The following AKR1E2 variants were observed in gnomAD, a reference collection of about 807,000 sequenced individuals.
AKR1E2 encodes the protein 1,5-anhydro-D-fructose reductase.
In AKR1E2, 43 loss-of-function variants were observed where a neutral mutation model predicts 41.9. The ratio of observed to expected loss-of-function variants is 1.03; its 90% CI spans 0.80 to 1.32. The LOEUF (loss-of-function observed/expected upper bound fraction) is 1.32, where lower values mean the gene tolerates loss of function less well. Ranked by LOEUF, AKR1E2 falls within the 40% of genes most tolerant of loss-of-function variation. AKR1E2 has a pLI of 0.00. For synonymous variants in AKR1E2, 121 were observed against 138.9 expected (o/e 0.87, Z 0.91); for missense variants, 423 against 396.5 (o/e 1.07, Z -0.57).
downstream of AKR1E2, among the ~76,000 whole-genome samples, chr10:4,851,650 G>A (rs1475505678): frequency 6.6e-6 from 1 of 152,124 alleles, no homozygotes; most frequent in African/African-American, 2.4e-5. Context: ...TATGTTACAG[G>A]TTTTAACTGA....
chr10:4,855,212 G>A, the AKR1E2 span, among the ~76,000 whole-genome samples: 1 of 152,140 alleles, frequency 6.6e-6, no homozygotes, highest in African/African-American at 2.4e-5. Context: ...TGAATGAATG[G>A]TAAAAATAAC....
At chr10:4,851,345 C>G (rs149016250), downstream of AKR1E2, among the ~76,000 whole-genome samples, 76 of 152,278 alleles carry the variant, frequency 5.0e-4, no homozygotes, top group African/African-American at 1.8e-3. Flanking sequence ...TTGTCACTCC[C>G]GGTTGGATTC....
intron 7 of AKR1E2, 40 bp downstream of exon 7, chr10:4,841,897 T>G: frequency 3.1e-6 from 5 of 1,587,658 alleles, no homozygotes; most frequent in Non-Finnish European, 4.3e-6. Context: ...TGGGGTTCTC[T>G]GACCGCTCTA....
chr10:4,858,718 G>A, the AKR1E2 span, among the ~76,000 whole-genome samples: 2 of 152,102 alleles, frequency 1.3e-5, no homozygotes, highest in Non-Finnish European at 2.9e-5. Context: ...GTAGCAATTC[G>A]TCGGCACAAC....
downstream of AKR1E2, among the ~76,000 whole-genome samples, chr10:4,848,508 G>T (rs1300663966): frequency 6.6e-6 from 1 of 152,190 alleles, no homozygotes; most frequent in East Asian, 1.9e-4. Context: ...GATCTCCAGG[G>T]ATATAACTTC....
At chr10:4,826,624 CTG>C (rs1172317600) in intron 1 of AKR1E2, among the ~76,000 whole-genome samples, 1 of 152,054 alleles carries the variant, frequency 6.6e-6, no homozygotes, top group African/African-American at 2.4e-5. Context: ...GCCTCAGACT[CTG>C]GGGCTGCGGC....
At chr10:4,863,886 A>G in the AKR1E2 span, among the ~76,000 whole-genome samples, 1 of 152,368 alleles carries the variant, frequency 6.6e-6, no homozygotes, top group East Asian at 1.9e-4. Flanking sequence ...TCCTCGACAC[A>G]TAAACCCTCC....
In AKR1E2 at chr10:4,837,560, G is replaced by C. The variant is rs778717100; in HGVS notation, c.561G>C (p.Arg187Ser). Residue 187 changes from arginine (R) to serine (S), a missense_variant, in exon 5 of 10, where the codon AGG (arginine) becomes AGC (serine). By Grantham distance (110) the Arg-to-Ser change is moderately radical. Coordinates refer to ENST00000298375, the MANE Select transcript of AKR1E2 (RefSeq NM_001040177.3). ...GGCTTTTGAATAAGCCTGGGTTGAGGTTCAAGCCACTAACCAACCAGGTAA... is the reference window on the plus strand; with the variant it reads ...GGCTTTTGAATAAGCCTGGGTTGAGCTTCAAGCCACTAACCAACCAGGTAA... Reference protein sequence around the residue: ...LERLLNKPGLRFKPLTNQIEC... With the variant: ...LERLLNKPGLSFKPLTNQIEC... The C allele has an allele frequency of 6.2e-7, 1 of 1,613,382 alleles. No homozygotes were observed. The highest frequency in any genetic ancestry group is 1.3e-5 in the African/African-American group (1 of 74,904).
intron 2 of AKR1E2, 56 bp downstream of exon 2, chr10:4,830,898 G>C (rs1165559522): frequency 3.1e-6 from 5 of 1,595,212 alleles, no homozygotes; most frequent in African/African-American, 1.3e-5. Context: ...ATCTCTGGAG[G>C]GCTTTCTACT....
the AKR1E2 span, among the ~76,000 whole-genome samples, chr10:4,865,852 T>C: frequency 6.6e-6 from 1 of 152,210 alleles, no homozygotes; most frequent in Non-Finnish European, 1.5e-5. Flanking sequence ...ATGCTCAAGT[T>C]AGAGAGTTAT....
At chr10:4,842,343 A>T in intron 7 of AKR1E2, 78 bp from the exon 8 acceptor site, 1 of 1,327,550 alleles carries the variant, frequency 7.5e-7, no homozygotes, top group Non-Finnish European at 1.1e-6. Context: ...CTGCATGATA[A>T]AACTCACATG....
At chr10:4,839,610 T>C in intron 5 of AKR1E2, 119 bp from the exon 6 acceptor site, 1 of 849,368 alleles carries the variant, frequency 1.2e-6, no homozygotes, top group East Asian at 2.6e-5. Flanking sequence ...CACTTAGGCC[T>C]GGAGCTGGGC....
chr10:4,853,144 A>G, the AKR1E2 span, among the ~76,000 whole-genome samples: 1 of 152,224 alleles, frequency 6.6e-6, no homozygotes, highest in African/African-American at 2.4e-5. Context: ...ACCAGAGCCA[A>G]ACTCTCATAA....
At chr10:4,854,102 T>G in the AKR1E2 span, among the ~76,000 whole-genome samples, 39,843 of 149,958 alleles carry the variant, frequency 0.27, 5,698 homozygotes, top group Middle Eastern at 0.39. Flanking sequence ...TTTTTTTTTT[T>G]TTTTTTTTTT....
At chr10:4,871,702 G>T in the AKR1E2 span, among the ~76,000 whole-genome samples, 1 of 151,854 alleles carries the variant, frequency 6.6e-6, no homozygotes, top group East Asian at 1.9e-4. Context: ...GCAGTTGTGG[G>T]GGTGGGGTGG....
upstream of AKR1E2, among the ~76,000 whole-genome samples, chr10:4,825,723 G>T (rs537041603): frequency 6.6e-6 from 1 of 152,186 alleles, no homozygotes; most frequent in Non-Finnish European, 1.5e-5. Context: ...ACAAGAGAGC[G>T]GGGACCCACT....
At chr10:4,854,221 G>A in the AKR1E2 span, among the ~76,000 whole-genome samples, 2 of 151,604 alleles carry the variant, frequency 1.3e-5, no homozygotes, top group African/African-American at 4.9e-5. Flanking sequence ...AGCCTCCCGA[G>A]TATCTGGGAC....
chr10:4,840,098 GT>G (rs1319344218), intron 6 of AKR1E2, among the ~76,000 whole-genome samples: 3 of 152,102 alleles, frequency 2.0e-5, no homozygotes, highest in Non-Finnish European at 4.4e-5. Flanking sequence ...CCTTTGCTGA[GT>G]TCCCCACCAG....
chr10:4,866,324 G>T, the AKR1E2 span, among the ~76,000 whole-genome samples: 1 of 152,142 alleles, frequency 6.6e-6, no homozygotes, highest in Admixed American at 6.5e-5. Flanking sequence ...CCAGTTTTCT[G>T]GTTTTCTTTT....
Sources: allele counts gnomAD v4.1 joint callset (sites outside exome capture counted in the v4.1 genomes callset), GRCh38; gene constraint gnomAD v4.1.1; transcripts MANE v1.5; gene names NCBI Gene and HGNC (gene_info 2026-07-23, HGNC 2026-07-21).